CTNNA3: variants seen among roughly 807,000 people sequenced by gnomAD.
The protein encoded by CTNNA3 is catenin alpha 3.
Under a neutral mutation model 95.7 loss-of-function variants are expected in CTNNA3, and 76 were observed. That is an observed-to-expected ratio of 0.79 (90% CI 0.66 to 0.96). The LOEUF (loss-of-function observed/expected upper bound fraction) is 0.96, where lower values mean the gene tolerates loss of function less well. Among genes scored for constraint, CTNNA3 ranks in the 40% least tolerant of loss-of-function variants. The pLI is 0.00. For missense variants in CTNNA3, 1,191 were observed against 1,089.8 expected, an observed-to-expected ratio of 1.09 and a Z score of -1.31; for synonymous variants, 431 against 374.4, an observed-to-expected ratio of 1.15 and a Z score of -1.74.
intron 14 of CTNNA3, among the ~76,000 whole-genome samples, chr10:66,090,633 A>T (rs2081178407): frequency 6.6e-6 from 1 of 151,976 alleles, no homozygotes; most frequent in Non-Finnish European, 1.5e-5. Flanking sequence ...TCTCCTTTAA[A>T]ATGGTCTTAG....
intron 15 of CTNNA3, among the ~76,000 whole-genome samples, chr10:66,001,140 T>C (rs2078762023): frequency 6.6e-6 from 1 of 151,972 alleles, no homozygotes; most frequent in African/African-American, 2.4e-5. Context: ...AATATATATA[T>C]ATACTACATT....
At chr10:66,897,353 G>GATAAGT (rs1845540731) in intron 7 of CTNNA3, among the ~76,000 whole-genome samples, 1 of 152,030 alleles carries the variant, frequency 6.6e-6, no homozygotes, top group Admixed American at 6.6e-5. Context: ...AAGCAAACAA[G>GATAAGT]ATAAGTTACA....
intron 5 of CTNNA3, among the ~76,000 whole-genome samples, chr10:67,320,812 G>A (rs772856904): frequency 2.8e-4 from 42 of 152,286 alleles, no homozygotes; most frequent in Middle Eastern, 3.4e-3. Flanking sequence ...ATTTGGGGGA[G>A]ATTACAAAAG....
chr10:66,226,169 T>C (rs1021568994), intron 13 of CTNNA3, among the ~76,000 whole-genome samples: 8 of 152,094 alleles, frequency 5.3e-5, no homozygotes, highest in Non-Finnish European at 8.8e-5. Flanking sequence ...TTTCTTCTAG[T>C]AGTGTTATAG....
At chr10:67,010,747 T>G (rs955057849) in intron 7 of CTNNA3, among the ~76,000 whole-genome samples, 1 of 152,182 alleles carries the variant, frequency 6.6e-6, no homozygotes, top group African/African-American at 2.4e-5. Context: ...ACCAACAATG[T>G]TTGCCATACC....
intron 9 of CTNNA3, among the ~76,000 whole-genome samples, chr10:66,668,534 C>T (rs915086917): frequency 6.6e-6 from 1 of 151,072 alleles, no homozygotes; most frequent in Non-Finnish European, 1.5e-5. Flanking sequence ...ATATATTGGC[C>T]GGGTGCGGTG....
chr10:66,534,092 G>A (rs1260832292), intron 10 of CTNNA3, among the ~76,000 whole-genome samples: 1 of 152,112 alleles, frequency 6.6e-6, no homozygotes, highest in Non-Finnish European at 1.5e-5. Context: ...GATCCATCCT[G>A]TGCTCAACTC....
chr10:67,379,272 T>C (rs915680894), intron 5 of CTNNA3, among the ~76,000 whole-genome samples: 2 of 152,166 alleles, frequency 1.3e-5, no homozygotes, highest in Non-Finnish European at 2.9e-5. Context: ...ATGCCTGTGT[T>C]TCAGCTCTAG....
At chr10:67,288,088 T>C (rs552385256) in intron 5 of CTNNA3, among the ~76,000 whole-genome samples, 1 of 152,230 alleles carries the variant, frequency 6.6e-6, no homozygotes, top group South Asian at 2.1e-4. Context: ...TGAAATTGAT[T>C]AGTCCAATCC....
intron 8 of CTNNA3, among the ~76,000 whole-genome samples, chr10:66,770,754 G>A (rs1431482084): frequency 6.6e-6 from 1 of 152,004 alleles, no homozygotes; most frequent in African/African-American, 2.4e-5. Flanking sequence ...ATGGAAAGGG[G>A]AGAAAGTGTT....
chr10:66,483,889 A>C (rs1589314615), intron 11 of CTNNA3, among the ~76,000 whole-genome samples: 1 of 152,198 alleles, frequency 6.6e-6, no homozygotes, highest in East Asian at 1.9e-4. Context: ...AACTTAAAAA[A>C]ATAAGATCTA....
chr10:66,748,806 C>T (rs544388244), intron 9 of CTNNA3, among the ~76,000 whole-genome samples: 139 of 152,112 alleles, frequency 9.1e-4, no homozygotes, highest in African/African-American at 3.2e-3. Flanking sequence ...TATCCTGCAC[C>T]ACAGCGGTGC....
At chr10:67,510,116 A>T (rs1211211008) in intron 5 of CTNNA3, among the ~76,000 whole-genome samples, 1 of 151,874 alleles carries the variant, frequency 6.6e-6, no homozygotes, top group Non-Finnish European at 1.5e-5. Flanking sequence ...GATTGCAAAA[A>T]TTTTTTCCCA....
At position 67,098,014 on chromosome 10, in the gene CTNNA3, T is replaced by G. The variant is rs1014338137; in HGVS notation, c.1047+82303A>C. On this transcript the variant is annotated intron_variant, in intron 7 of 17. Coordinates refer to ENST00000433211, the MANE Select transcript of CTNNA3 (RefSeq NM_013266.4). Reference sequence around the variant, plus strand: ...GCTAAGTTGTGCAGTATTTTTTGACTTAAACAGAGTATGACCCTGAAAAAT... The same window carrying G: ...GCTAAGTTGTGCAGTATTTTTTGACGTAAACAGAGTATGACCCTGAAAAAT... 3 of 565,290 alleles carry G rather than the reference T, an allele frequency of 5.3e-6. No homozygotes were observed. The African/African-American group carries it at 5.7e-5, about 11-fold the overall frequency. The allele number at this position is 565,290 out of a possible 1,614,324, so 35.0% of individuals were successfully genotyped here.
chr10:66,192,032 C>T lies in CTNNA3; in HGVS notation c.1884+88438G>A, dbSNP rs2086699884. On this transcript the variant is annotated intron_variant, in intron 13 of 17. Transcript: ENST00000433211. ...GATGACACATCAAAAAGGCCTTCAC[C>T]AGATGACAGCCTCTTGATATTAGAT... Among the ~76,000 whole-genome samples the T allele has an allele frequency of 2.0e-5, 3 of 152,158 alleles. No individual in the cohort carries two copies. In the South Asian group the frequency reaches 6.2e-4, roughly 32 times the overall value.
chr10:65,992,188 G>A (rs2078559959), intron 15 of CTNNA3, among the ~76,000 whole-genome samples: 1 of 151,938 alleles, frequency 6.6e-6, no homozygotes, highest in African/African-American at 2.4e-5. Context: ...CATTCATCAT[G>A]GATATTGACC....
At chr10:67,213,207 T>C (rs891805546) in intron 6 of CTNNA3, among the ~76,000 whole-genome samples, 2 of 151,826 alleles carry the variant, frequency 1.3e-5, no homozygotes, top group African/African-American at 2.4e-5. Flanking sequence ...TTTTCATTTT[T>C]ATCAGTATAA....
chr10:65,955,113 A>G (rs1390700715), intron 17 of CTNNA3, among the ~76,000 whole-genome samples: 1 of 152,094 alleles, frequency 6.6e-6, no homozygotes, highest in Non-Finnish European at 1.5e-5. Flanking sequence ...ATCCCTTGTA[A>G]GTTGGACTTC....
At chr10:66,288,582 T>C (rs1397965655) in intron 12 of CTNNA3, among the ~76,000 whole-genome samples, 2 of 152,086 alleles carry the variant, frequency 1.3e-5, no homozygotes, top group Non-Finnish European at 2.9e-5. Context: ...TATAAATGAA[T>C]ACAATTAAAC....
Sources: gnomAD v4.1 joint callset for allele counts (sites outside exome capture counted in the v4.1 genomes callset) on GRCh38, gnomAD v4.1.1 for gene constraint, MANE v1.5 for transcripts, NCBI Gene and HGNC (gene_info 2026-07-23, HGNC 2026-07-21) for gene names.